The following TSPAN12 variants were observed in gnomAD, a reference collection of about 807,000 sequenced individuals.
TSPAN12 encodes tetraspanin 12, also known as tetraspanin-12.
A neutral mutation model predicts 39.2 loss-of-function variants in TSPAN12; 19 were observed. The observed-to-expected ratio is 0.49, with a 90% CI of 0.34 to 0.71. TSPAN12 has a LOEUF of 0.71. TSPAN12 is among the 30% of genes least tolerant of loss of function. TSPAN12 has a pLI of 0.01. For synonymous variants in TSPAN12, 119 were observed against 124.8 expected (o/e 0.95, Z 0.31); for missense variants, 314 against 359.9 (o/e 0.87, Z 1.03).
chr7:120,848,736 C>T (rs1008295147), intron 2 of TSPAN12, among the ~76,000 whole-genome samples: 1 of 151,928 alleles, frequency 6.6e-6, no homozygotes, highest in African/African-American at 2.4e-5. Flanking sequence ...AACAAGCAAC[C>T]CTGGGAATAA....
intron 4 of TSPAN12, among the ~76,000 whole-genome samples, chr7:120,835,914 A>C (rs1794467463): frequency 6.6e-6 from 1 of 152,242 alleles, no homozygotes; most frequent in Non-Finnish European, 1.5e-5. Flanking sequence ...TTCAGGGGTC[A>C]GAAAATACAG....
At chr7:120,820,667 A>G (rs1158672236) in intron 4 of TSPAN12, among the ~76,000 whole-genome samples, 1 of 152,078 alleles carries the variant, frequency 6.6e-6, no homozygotes, top group Non-Finnish European at 1.5e-5. Flanking sequence ...CCACTGCTAG[A>G]TCATCAGTTC....
intron 4 of TSPAN12, among the ~76,000 whole-genome samples, chr7:120,834,039 T>C (rs969169659): frequency 3.3e-5 from 5 of 152,160 alleles, no homozygotes; most frequent in African/African-American, 1.2e-4. Flanking sequence ...TTTCCCATTA[T>C]AATTAGAATT....
At chr7:120,836,291 C>G (rs1275744720) in intron 4 of TSPAN12, among the ~76,000 whole-genome samples, 1 of 152,094 alleles carries the variant, frequency 6.6e-6, no homozygotes, top group Non-Finnish European at 1.5e-5. Flanking sequence ...AAGAAGGAAG[C>G]TGTGTTAGGT....
chr7:120,790,964 G>T (rs1389917212), intron 7 of TSPAN12, among the ~76,000 whole-genome samples: 1 of 152,052 alleles, frequency 6.6e-6, no homozygotes, highest in Non-Finnish European at 1.5e-5. Flanking sequence ...GTACAAAAAT[G>T]GACTTTTAGT....
chr7:120,805,387 G>T (rs1189538252), intron 7 of TSPAN12, among the ~76,000 whole-genome samples: 1 of 152,148 alleles, frequency 6.6e-6, no homozygotes, highest in Non-Finnish European at 1.5e-5. Flanking sequence ...TTGAATGGTA[G>T]TATTCTTAGG....
chr7:120,854,116 G>A (rs1319568811), intron 2 of TSPAN12, among the ~76,000 whole-genome samples: 1 of 152,088 alleles, frequency 6.6e-6, no homozygotes, highest in South Asian at 2.1e-4. Context: ...GTAACAATGA[G>A]ATAATACTTT....
intron 7 of TSPAN12, among the ~76,000 whole-genome samples, chr7:120,804,528 AAAGT>A (rs1793833019): frequency 1.3e-5 from 2 of 152,226 alleles, no homozygotes; most frequent in South Asian, 4.1e-4. Flanking sequence ...GTTTCTAAAC[AAAGT>A]ATGTATAAAA....
chr7:120,841,537 T>C (rs1794578599), intron 2 of TSPAN12, among the ~76,000 whole-genome samples: 1 of 152,158 alleles, frequency 6.6e-6, no homozygotes, highest in Non-Finnish European at 1.5e-5. Flanking sequence ...ATCAACTACA[T>C]AGAAACATTT....
At chr7:120,846,774 A>C (rs1295611912) in intron 2 of TSPAN12, among the ~76,000 whole-genome samples, 1 of 152,240 alleles carries the variant, frequency 6.6e-6, no homozygotes. Flanking sequence ...ACAGAACTGT[A>C]ACAAGCGCTG....
chr7:120,818,255 G>A (rs1271577949), intron 4 of TSPAN12, among the ~76,000 whole-genome samples: 1 of 152,006 alleles, frequency 6.6e-6, no homozygotes, highest in East Asian at 1.9e-4. Flanking sequence ...ACTGAGCCAT[G>A]GAAAGGATTT....
At chr7:120,819,663 T>G (rs534854229) in intron 4 of TSPAN12, among the ~76,000 whole-genome samples, 1 of 152,280 alleles carries the variant, frequency 6.6e-6, no homozygotes, top group African/African-American at 2.4e-5. Context: ...TCAGCTGTCT[T>G]TTCTTTGTTG....
At chr7:120,812,439 C>T (rs972142136) in intron 5 of TSPAN12, among the ~76,000 whole-genome samples, 2 of 151,528 alleles carry the variant, frequency 1.3e-5, no homozygotes, top group Non-Finnish European at 2.9e-5. Flanking sequence ...GATAGAGAAC[C>T]AAAAAGGAAA....
At chr7:120,809,558 G>A (rs541179477) in intron 6 of TSPAN12, among the ~76,000 whole-genome samples, 1 of 152,140 alleles carries the variant, frequency 6.6e-6, no homozygotes, top group Non-Finnish European at 1.5e-5. Context: ...AGTGAGCAGA[G>A]ATCTTGCTAT....
intron 4 of TSPAN12, among the ~76,000 whole-genome samples, chr7:120,834,587 T>A (rs141800632): frequency 0.011 from 1,635 of 152,140 alleles, 13 homozygotes; most frequent in African/African-American, 0.026. Flanking sequence ...CAGCTCTTTT[T>A]TATATATATA....
At chr7:120,838,303 C>T (rs1350223887) in intron 4 of TSPAN12, among the ~76,000 whole-genome samples, 3 of 152,072 alleles carry the variant, frequency 2.0e-5, no homozygotes, top group East Asian at 3.8e-4. Flanking sequence ...AAACAACAAC[C>T]AAGATTATAG....
intron 4 of TSPAN12, among the ~76,000 whole-genome samples, chr7:120,836,852 C>T (rs1213702109): frequency 6.6e-6 from 1 of 152,180 alleles, no homozygotes; most frequent in Non-Finnish European, 1.5e-5. Context: ...ATTTGCATTA[C>T]TAGCATCTAA....
At chr7:120,808,677 A>C (rs1396404835) in intron 6 of TSPAN12, among the ~76,000 whole-genome samples, 1 of 152,166 alleles carries the variant, frequency 6.6e-6, no homozygotes, top group Admixed American at 6.5e-5. Flanking sequence ...AAACGTATTA[A>C]ACAAACGTCA....
intron 2 of TSPAN12, among the ~76,000 whole-genome samples, chr7:120,847,432 G>T (rs1474603191): frequency 1.3e-5 from 2 of 152,094 alleles, no homozygotes; most frequent in Admixed American, 6.6e-5. Context: ...GAAACTCTGG[G>T]ATATAACTAT....
Sources: allele counts gnomAD v4.1 joint callset (sites outside exome capture counted in the v4.1 genomes callset), GRCh38; gene constraint gnomAD v4.1.1; transcripts MANE v1.5; gene names NCBI Gene and HGNC (gene_info 2026-07-23, HGNC 2026-07-21).